The following WWOX variants were observed in gnomAD, a reference collection of about 807,000 sequenced individuals.
WWOX encodes the protein WW domain containing oxidoreductase.
In WWOX, 69 loss-of-function variants were observed where a neutral mutation model predicts 46.2. The observed-to-expected ratio is 1.49, with a 90% CI of 1.23 to 1.82. The LOEUF is 1.82. Among genes scored for constraint, WWOX ranks in the 40% most tolerant of loss-of-function variants. The pLI is 0.00. For synonymous variants in WWOX, 359 were observed against 202.6 expected (o/e 1.77, Z -6.56); for missense variants, 919 against 542.6 (o/e 1.69, Z -6.89).
intron 5 of WWOX, chr16:78,355,972 G>T (rs1326211002): frequency 5.7e-6 from 1 of 176,650 alleles, no homozygotes; most frequent in Non-Finnish European, 1.2e-5. Flanking sequence ...CTCCTGAAAT[G>T]AGTTGATTTG....
chr16:78,415,912 T>C (rs866993245), intron 6 of WWOX, among the ~76,000 whole-genome samples: 1 of 152,038 alleles, frequency 6.6e-6, no homozygotes, highest in African/African-American at 2.4e-5. Flanking sequence ...GGTTTGTAAA[T>C]AGCATCCCCA....
At chr16:78,446,969 T>A (rs1224886798) in intron 8 of WWOX, among the ~76,000 whole-genome samples, 1 of 152,138 alleles carries the variant, frequency 6.6e-6, no homozygotes, top group African/African-American at 2.4e-5. Flanking sequence ...TATACTTATT[T>A]TAGGTGTATT....
At chr16:78,815,027 T>C (rs555408011) in intron 8 of WWOX, among the ~76,000 whole-genome samples, 3 of 152,298 alleles carry the variant, frequency 2.0e-5, no homozygotes, top group Admixed American at 6.5e-5. Flanking sequence ...CCTTCCTCTG[T>C]AGAAGGTTTC....
At chr16:78,322,936 T>A (rs906619676) in intron 5 of WWOX, among the ~76,000 whole-genome samples, 1 of 152,210 alleles carries the variant, frequency 6.6e-6, no homozygotes, top group Non-Finnish European at 1.5e-5. Context: ...TTTAAAAATA[T>A]GAAAACCATT....
At chr16:78,926,257 C>T (rs12448546) in intron 8 of WWOX, among the ~76,000 whole-genome samples, 18,463 of 151,910 alleles carry the variant, frequency 0.12, 1,342 homozygotes, top group East Asian at 0.31. Flanking sequence ...CTTGTGGTTT[C>T]AGCTACCTGG....
chr16:78,169,055 C>T (rs1265541368), intron 5 of WWOX, among the ~76,000 whole-genome samples: 1 of 152,108 alleles, frequency 6.6e-6, no homozygotes, highest in Non-Finnish European at 1.5e-5. Context: ...CATCAGCCCC[C>T]ATTCATATTT....
chr16:78,108,424 C>G lies in WWOX; in HGVS notation c.109C>G (p.His37Asp), dbSNP rs770653451. ...TGTGGATTTTTTGTTTTTTAACAGT[C>G]ACACCGAGGAGAAGACTCAGTGGGA... ...TKDGWVYYAN[H>D]TEEKTQWEHP... The change falls in exon 2 of 9, where the codon CAC (histidine) becomes GAC (aspartate). Residue 37 changes from histidine (H) to aspartate (D), a missense_variant and splice_region_variant. His to Asp is a moderately conservative substitution (Grantham distance 81, BLOSUM62 -1). Coordinates refer to ENST00000566780, the MANE Select transcript of WWOX (RefSeq NM_016373.4). 6.2e-7 allele frequency: 1 copy of G among 1,612,204 alleles called. No individual in the cohort carries two copies. Among genetic ancestry groups the G allele is most frequent in the Non-Finnish European group, 8.5e-7 (1 of 1,179,244 alleles).
intron 8 of WWOX, among the ~76,000 whole-genome samples, chr16:79,128,003 G>A (rs1341974837): frequency 6.6e-6 from 1 of 152,170 alleles, no homozygotes; most frequent in African/African-American, 2.4e-5. Flanking sequence ...AAAGTGCATG[G>A]CAAAGACCCA....
In WWOX at chr16:78,457,782, G is replaced by A. The variant is rs561117294; in HGVS notation, c.1056+25030G>A. Among the ~76,000 whole-genome samples the A allele has an allele frequency of 2.2e-3, 339 of 152,012 alleles. 2 individuals carry two copies. Among genetic ancestry groups the A allele is most frequent in the African/African-American group, 7.4e-3 (307 of 41,410 alleles). ...TACAAAAATTATAGCTGGGCGTGGT[G>A]GCGGGCGCCTGTAGTCCCAGCTACT... On this transcript the variant is annotated intron_variant, in intron 8 of 8. Coordinates refer to ENST00000566780, the MANE Select transcript of WWOX (RefSeq NM_016373.4).
intron 8 of WWOX, among the ~76,000 whole-genome samples, chr16:78,868,901 C>A (rs984404931): frequency 6.6e-6 from 1 of 152,106 alleles, no homozygotes; most frequent in Non-Finnish European, 1.5e-5. Context: ...GAAATTTGCA[C>A]TTTTCCCCCC....
At chr16:78,920,239 C>G (rs1338203657) in intron 8 of WWOX, among the ~76,000 whole-genome samples, 1 of 152,154 alleles carries the variant, frequency 6.6e-6, no homozygotes, top group East Asian at 1.9e-4. Context: ...AAAGTTTCTT[C>G]CAGGACGTGA....
intron 5 of WWOX, among the ~76,000 whole-genome samples, chr16:78,340,150 A>G (rs1400067097): frequency 9.0e-6 from 1 of 110,556 alleles, no homozygotes; most frequent in East Asian, 2.0e-4. Context: ...TTTAGTTTCT[A>G]TCTTCTCAAA....
At chr16:78,199,666 C>T (rs533464056) in intron 5 of WWOX, among the ~76,000 whole-genome samples, 1 of 152,186 alleles carries the variant, frequency 6.6e-6, no homozygotes, top group Admixed American at 6.5e-5. Context: ...TATTTCTGAG[C>T]CTGCGTAGAT....
rs962250309 is a variant in WWOX at position 78,943,603 on chromosome 16, C to T, written c.1057-268005C>T. Reference sequence around the variant, plus strand: ...CCTGGGAAACAAACAAAATAGAGGGCGATGGCTCCACTCTGTGTGGCCCCG... The same window carrying T: ...CCTGGGAAACAAACAAAATAGAGGGTGATGGCTCCACTCTGTGTGGCCCCG... On this transcript the variant is annotated intron_variant, in intron 8 of 8. Transcript: ENST00000566780. Among the ~76,000 whole-genome samples the T allele has an allele frequency of 5.9e-5, 9 of 152,252 alleles. No individual in the cohort carries two copies. The East Asian group carries it at 1.4e-3, about 23-fold the overall frequency.
At chr16:79,200,264 G>T (rs1055162799) in intron 8 of WWOX, among the ~76,000 whole-genome samples, 1 of 152,194 alleles carries the variant, frequency 6.6e-6, no homozygotes, top group South Asian at 2.1e-4. Context: ...GGTCTGTGGA[G>T]AGGGCCTTGG....
At chr16:78,402,637 C>A (rs1044700093) in intron 6 of WWOX, among the ~76,000 whole-genome samples, 2 of 152,132 alleles carry the variant, frequency 1.3e-5, no homozygotes, top group Non-Finnish European at 2.9e-5. Flanking sequence ...AGTCAGGAAG[C>A]ATTTTTCCTG....
chr16:78,374,914 G>C lies in WWOX; in HGVS notation c.517-11946G>C, dbSNP rs1264897798. 1.3e-5 allele frequency among the ~76,000 whole-genome samples: 2 copies of C among 151,780 alleles called. 1 individual carries two copies. Among genetic ancestry groups the C allele is most frequent in the Non-Finnish European group, 2.9e-5 (2 of 67,946 alleles). On this transcript the variant is annotated intron_variant, in intron 5 of 8. Transcript: ENST00000566780. ...TTGGCCAGCCTGGTCTCAAACTGTT[G>C]ACCTTAGGTGATCTGCCTACCTCGG...
chr16:78,408,534 C>G (rs760688249), intron 6 of WWOX, among the ~76,000 whole-genome samples: 2 of 152,150 alleles, frequency 1.3e-5, no homozygotes, highest in African/African-American at 2.4e-5. Context: ...GCAGTTGGAC[C>G]TAGCTGAGCT....
chr16:79,210,220 C>G (rs369817967), intron 8 of WWOX, among the ~76,000 whole-genome samples: 1 of 152,224 alleles, frequency 6.6e-6, no homozygotes, highest in Non-Finnish European at 1.5e-5. Flanking sequence ...TATCCTGACA[C>G]TGAAGAAGCT....
Sources: allele counts gnomAD v4.1 joint callset (sites outside exome capture counted in the v4.1 genomes callset), GRCh38; gene constraint gnomAD v4.1.1; transcripts MANE v1.5; gene names NCBI Gene and HGNC (gene_info 2026-07-23, HGNC 2026-07-21).